CTIF: variants seen among roughly 807,000 people sequenced by gnomAD.
CTIF encodes CBP80/20-dependent translation initiation factor.
CTIF carries 21 observed loss-of-function variants against 66.0 expected under a neutral mutation model. The ratio of observed to expected loss-of-function variants is 0.32; its 90% CI spans 0.23 to 0.46. The LOEUF (loss-of-function observed/expected upper bound fraction) is 0.46, where lower values mean the gene tolerates loss of function less well. Ranked by LOEUF, CTIF falls within the 20% of genes least tolerant of loss-of-function variation. The probability of loss-of-function intolerance (pLI) is 1.00; values close to 1 mark genes in which losing one functional copy is unlikely to be tolerated. For synonymous variants in CTIF, 345 were observed against 326.4 expected, an observed-to-expected ratio of 1.06 and a Z score of -0.62; for missense variants, 739 against 812.7, an observed-to-expected ratio of 0.91 and a Z score of 1.10.
At chr18:48,836,092 G>A (rs574221560) in intron 10 of CTIF, among the ~76,000 whole-genome samples, 2 of 152,126 alleles carry the variant, frequency 1.3e-5, no homozygotes, top group African/African-American at 4.8e-5. Flanking sequence ...CGCCCTAGGA[G>A]CCACTGCCTT....
chr18:48,808,828 A>G (rs1056280059), intron 9 of CTIF, among the ~76,000 whole-genome samples: 3 of 152,174 alleles, frequency 2.0e-5, no homozygotes, highest in African/African-American at 4.8e-5. Context: ...ACTCTTTCCA[A>G]TGTTGTTTTG....
Position 48,861,853 on chromosome 18 carries a change from G to GAAAT in CTIF, c.*2296_*2299dup, listed in dbSNP as rs2069477151. 1 of 152,144 alleles carries GAAAT rather than the reference G, an allele frequency of 6.6e-6. No homozygotes were observed. The highest frequency in any genetic ancestry group is 6.5e-5 in the Admixed American group (1 of 15,280). 9.4% of individuals were successfully genotyped at this position (152,144 alleles called of 1,614,324 possible). Reference sequence around the variant, plus strand: ...TAGGACCAGAGTGTGAAGAAGAAGTGAAATATAAATATGTATACATATATA... The same window carrying GAAAT: ...TAGGACCAGAGTGTGAAGAAGAAGTGAAATAAATATAAATATGTATACATATATA... On this transcript the variant is annotated 3_prime_UTR_variant, in exon 12 of 12. Transcript: ENST00000256413.
chr18:48,782,728 T>C (rs557628907), intron 9 of CTIF, among the ~76,000 whole-genome samples: 42 of 152,310 alleles, frequency 2.8e-4, no homozygotes, highest in Admixed American at 4.6e-4. Flanking sequence ...CAGTCCAACC[T>C]CGGCTTGGGT....
intron 1 of CTIF, among the ~76,000 whole-genome samples, chr18:48,544,645 G>C (rs2088702566): frequency 6.6e-6 from 1 of 152,246 alleles, no homozygotes; most frequent in African/African-American, 2.4e-5. Context: ...TGGTTTCATG[G>C]ATGAGGTGAA....
At position 48,859,990 on chromosome 18, in the gene CTIF, C is replaced by T. The variant is rs769843779; in HGVS notation, c.*431C>T. The T allele has an allele frequency of 5.0e-5, 23 of 460,722 alleles. No individual in the cohort carries two copies. Among genetic ancestry groups the T allele is most frequent in the Admixed American group, 1.4e-4 (6 of 42,664 alleles). 28.5% of individuals were successfully genotyped at this position (460,722 alleles called of 1,614,324 possible). On this transcript the variant is annotated 3_prime_UTR_variant, in exon 12 of 12. Coordinates refer to ENST00000256413, the MANE Select transcript of CTIF (RefSeq NM_014772.3). The stretch of plus-strand genomic sequence containing the variant: ...GAAGGCTGAAAAAGTGGGTCGGAGA[C>T]GGGCTCGCATTGTTCCCGCATGCTG...
intron 7 of CTIF, among the ~76,000 whole-genome samples, chr18:48,726,550 C>T (rs2092389057): frequency 6.6e-6 from 1 of 152,124 alleles, no homozygotes; most frequent in Non-Finnish European, 1.5e-5. Context: ...TGGCAGTTCT[C>T]AGTTTCTCAT....
rs1379432470 is a variant in CTIF, at chr18:48,610,002, C to T, written c.-28-9536C>T. ...AAAGCCCGGGCCCATTGGCAGTGGG[C>T]GGAAGAGCTGAGGAGGCCCACTCTG... On this transcript the variant is annotated intron_variant, in intron 1 of 11. Transcript: ENST00000256413. 4.0e-5 allele frequency among the ~76,000 whole-genome samples: 6 copies of T among 151,526 alleles called. No individual in the cohort carries two copies. The South Asian group carries it at 8.4e-4, about 21-fold the overall frequency.
chr18:48,576,600 G>T (rs2089537110), intron 1 of CTIF, among the ~76,000 whole-genome samples: 1 of 152,178 alleles, frequency 6.6e-6, no homozygotes, highest in Non-Finnish European at 1.5e-5. Context: ...TTCCAGATTC[G>T]CTGTGCCAGC....
chr18:48,762,227 C>G (rs1369295324), intron 9 of CTIF, among the ~76,000 whole-genome samples: 1 of 152,188 alleles, frequency 6.6e-6, no homozygotes, highest in African/African-American at 2.4e-5. Flanking sequence ...GCAAGACTGT[C>G]TTCATCCTTG....
chr18:48,753,698 A>G (rs572447344), intron 7 of CTIF, among the ~76,000 whole-genome samples: 24 of 152,310 alleles, frequency 1.6e-4, no homozygotes, highest in African/African-American at 5.8e-4. Context: ...TCACCCGAAG[A>G]AGACTTCCCC....
At chr18:48,563,474 G>A (rs1044162302) in intron 1 of CTIF, among the ~76,000 whole-genome samples, 1 of 150,716 alleles carries the variant, frequency 6.6e-6, no homozygotes, top group African/African-American at 2.5e-5. Flanking sequence ...TTTTTGTTTT[G>A]TTTTGTTTTG....
intron 9 of CTIF, among the ~76,000 whole-genome samples, chr18:48,814,977 G>C (rs922405091): frequency 2.0e-5 from 3 of 152,214 alleles, no homozygotes; most frequent in Non-Finnish European, 4.4e-5. Flanking sequence ...CTGCAGGCAT[G>C]GCTGCACTTA....
chr18:48,593,939 A>C (rs2089941566), intron 1 of CTIF, among the ~76,000 whole-genome samples: 2 of 152,178 alleles, frequency 1.3e-5, no homozygotes, highest in South Asian at 2.1e-4. Flanking sequence ...TTAGTTATGC[A>C]CTGTGTGATA....
chr18:48,668,637 C>G (rs539400887), intron 5 of CTIF, among the ~76,000 whole-genome samples: 2 of 152,098 alleles, frequency 1.3e-5, no homozygotes, highest in East Asian at 3.9e-4. Context: ...CTAACATGCT[C>G]TAGCCACAGC....
intron 1 of CTIF, among the ~76,000 whole-genome samples, chr18:48,556,300 T>C (rs539802529): frequency 1.3e-5 from 2 of 152,308 alleles, no homozygotes; most frequent in South Asian, 4.1e-4. Context: ...GCTCACGAGC[T>C]TCCAGGATTC....
intron 1 of CTIF, among the ~76,000 whole-genome samples, chr18:48,542,304 CTG>C (rs1356790444): frequency 3.3e-5 from 5 of 152,162 alleles, no homozygotes; most frequent in African/African-American, 1.2e-4. Flanking sequence ...TAACACTTAC[CTG>C]TGTTTGTATG....
At chr18:48,827,565 G>A (rs2068607257) in intron 10 of CTIF, among the ~76,000 whole-genome samples, 1 of 152,190 alleles carries the variant, frequency 6.6e-6, no homozygotes, top group Non-Finnish European at 1.5e-5. Flanking sequence ...GAAGTGAAGG[G>A]CTAGAATGCA....
chr18:48,696,728 A>G (rs2092014640), intron 6 of CTIF, among the ~76,000 whole-genome samples: 1 of 152,178 alleles, frequency 6.6e-6, no homozygotes, highest in African/African-American at 2.4e-5. Flanking sequence ...CTCCATTTTC[A>G]GGCAGAGGAA....
At chr18:48,787,293 AG>A (rs1911795988) in intron 9 of CTIF, among the ~76,000 whole-genome samples, 1 of 152,118 alleles carries the variant, frequency 6.6e-6, no homozygotes, top group African/African-American at 2.4e-5. Flanking sequence ...AAAGAAGGGA[AG>A]GGGAGGCGGG....
Sources: allele counts gnomAD v4.1 joint callset (sites outside exome capture counted in the v4.1 genomes callset), GRCh38; gene constraint gnomAD v4.1.1; transcripts MANE v1.5; gene names NCBI Gene and HGNC (gene_info 2026-07-23, HGNC 2026-07-21).